PARD3B: variants seen among roughly 807,000 people sequenced by gnomAD.
PARD3B encodes partitioning defective 3 homolog B.
In PARD3B, 103 loss-of-function variants were observed where a neutral mutation model predicts 130.2. The ratio of observed to expected loss-of-function variants is 0.79; its 90% CI spans 0.67 to 0.93. The LOEUF (loss-of-function observed/expected upper bound fraction) is 0.93. Ranked by LOEUF, PARD3B falls within the 40% of genes least tolerant of loss-of-function variation. The probability of loss-of-function intolerance (pLI) is 0.00; values close to 1 mark genes in which losing one functional copy is unlikely to be tolerated. For synonymous variants in PARD3B, 583 were observed against 553.2 expected (o/e 1.05, Z -0.76); for missense variants, 1,609 against 1,499.2 (o/e 1.07, Z -1.21).
At chr2:205,024,420 C>T (rs1307499578) in intron 3 of PARD3B, among the ~76,000 whole-genome samples, 1 of 152,006 alleles carries the variant, frequency 6.6e-6, no homozygotes, top group Non-Finnish European at 1.5e-5. Context: ...CCACATGCCC[C>T]AGCCTCCCAA....
chr2:204,646,585 A>AATATTCTGAGAC lies in PARD3B; in HGVS notation c.121-39592_121-39581dup, dbSNP rs2035281838. Among the ~76,000 whole-genome samples the AATATTCTGAGAC allele has an allele frequency of 2.6e-5, 4 of 152,162 alleles. No individual in the cohort carries two copies. The South Asian group carries it at 8.3e-4, about 32-fold the overall frequency. ...GGCTATTGTGAACAGGGTTGTGATG[A>AATATTCTGAGAC]ATATTCTGAGACATACCAGTGTGTA... is the stretch of plus-strand genomic sequence containing the variant. On this transcript the variant is annotated intron_variant, in intron 1 of 22. Coordinates refer to ENST00000406610, the MANE Select transcript of PARD3B (RefSeq NM_001302769.2).
chr2:204,656,218 C>T lies in PARD3B; in HGVS notation c.121-29963C>T, dbSNP rs144288375. 7.8e-3 allele frequency among the ~76,000 whole-genome samples: 1,186 copies of T among 152,212 alleles called. 15 individuals are homozygous for T. Among genetic ancestry groups the T allele is most frequent in the African/African-American group, 0.026 (1,063 of 41,530 alleles). Reference sequence around the variant, plus strand: ...GTGCTGCAGAGTTGCATGGCAAAGGCTGTAGATACATGGTGGGAAATAACT... The same window carrying T: ...GTGCTGCAGAGTTGCATGGCAAAGGTTGTAGATACATGGTGGGAAATAACT... On this transcript the variant is annotated intron_variant, in intron 1 of 22. Transcript: ENST00000406610.
chr2:205,179,191 A>G (rs887065749), intron 13 of PARD3B, among the ~76,000 whole-genome samples: 5 of 151,878 alleles, frequency 3.3e-5, no homozygotes, highest in Non-Finnish European at 7.4e-5. Context: ...TAAAGAAAAA[A>G]TATGTTTCTA....
At chr2:205,452,091 TAA>T (rs1217925469) in intron 20 of PARD3B, among the ~76,000 whole-genome samples, 1 of 152,196 alleles carries the variant, frequency 6.6e-6, no homozygotes, top group Non-Finnish European at 1.5e-5. Flanking sequence ...GAAAAAGCAT[TAA>T]CAGGAAGCTT....
intron 19 of PARD3B, among the ~76,000 whole-genome samples, chr2:205,431,705 G>T (rs945500298): frequency 3.3e-5 from 5 of 151,856 alleles, no homozygotes; most frequent in Admixed American, 1.3e-4. Flanking sequence ...TCCTGACCTC[G>T]TGATCTGCCC....
At chr2:205,517,311 G>T (rs569763204) in intron 21 of PARD3B, among the ~76,000 whole-genome samples, 4 of 151,774 alleles carry the variant, frequency 2.6e-5, no homozygotes, top group African/African-American at 9.6e-5. Flanking sequence ...TCTTGAGAGG[G>T]TATATGTGTC....
chr2:205,403,962 A>C (rs1189658996), intron 19 of PARD3B, among the ~76,000 whole-genome samples: 1 of 151,510 alleles, frequency 6.6e-6, no homozygotes, highest in Non-Finnish European at 1.5e-5. Flanking sequence ...CAATTAAGGG[A>C]ATATGGGTCA....
At chr2:204,704,587 T>A (rs2038048700) in intron 2 of PARD3B, among the ~76,000 whole-genome samples, 1 of 152,220 alleles carries the variant, frequency 6.6e-6, no homozygotes, top group Admixed American at 6.5e-5. Context: ...ATGAAGATTT[T>A]AATGCATATT....
At chr2:205,246,663 C>T (rs1206102012) in intron 16 of PARD3B, among the ~76,000 whole-genome samples, 1 of 152,164 alleles carries the variant, frequency 6.6e-6, no homozygotes, top group Non-Finnish European at 1.5e-5. Flanking sequence ...TTTCCCATCA[C>T]CAAGTGTCTC....
chr2:205,334,112 A>T (rs994063246), intron 18 of PARD3B, among the ~76,000 whole-genome samples: 2 of 152,204 alleles, frequency 1.3e-5, no homozygotes, highest in African/African-American at 4.8e-5. Context: ...TGTAAAGATC[A>T]GTTTCAACTC....
intron 16 of PARD3B, among the ~76,000 whole-genome samples, chr2:205,270,887 C>T (rs970876397): frequency 1.3e-5 from 2 of 152,110 alleles, no homozygotes; most frequent in East Asian, 1.9e-4. Flanking sequence ...ACACATAGCT[C>T]ATTGTCCAGA....
At chr2:204,580,376 CTCT>C (rs1241898049) in intron 1 of PARD3B, among the ~76,000 whole-genome samples, 1 of 152,136 alleles carries the variant, frequency 6.6e-6, no homozygotes, top group Non-Finnish European at 1.5e-5. Flanking sequence ...GAGCTCCTCT[CTCT>C]TCTTCGTCAC....
intron 3 of PARD3B, among the ~76,000 whole-genome samples, chr2:205,037,235 CTG>C (rs1265295926): frequency 6.9e-6 from 1 of 145,128 alleles, no homozygotes; most frequent in Non-Finnish European, 1.5e-5. Context: ...ATATAGTGGA[CTG>C]TGTATATAAA....
intron 2 of PARD3B, among the ~76,000 whole-genome samples, chr2:204,912,722 T>C (rs923035278): frequency 3.3e-5 from 5 of 152,192 alleles, no homozygotes; most frequent in African/African-American, 1.2e-4. Flanking sequence ...GAAAGTTTCA[T>C]TGGGAAATAG....
At position 205,258,261 on chromosome 2, in the gene PARD3B, C is replaced by T. The variant is rs1444064873; in HGVS notation, c.2185+12439C>T. Among the ~76,000 whole-genome samples the T allele has an allele frequency of 6.6e-6, 1 of 152,108 alleles. No homozygotes were observed. The highest frequency in any genetic ancestry group is 2.4e-5 in the African/African-American group (1 of 41,424). ...CCAAAGCCTCACTTTCCACCCTTTC[C>T]CGAGCCACCGTCACCTGGAGAGCTT... On this transcript the variant is annotated intron_variant, in intron 16 of 22. Transcript: ENST00000406610. This position sits in a 1 kb window ranked among gnomAD's most constrained non-coding sequence, Gnocchi z 4.9.
intron 18 of PARD3B, among the ~76,000 whole-genome samples, chr2:205,359,532 C>T (rs1396082569): frequency 6.6e-6 from 1 of 152,116 alleles, no homozygotes; most frequent in Non-Finnish European, 1.5e-5. Context: ...AAACTCTTTC[C>T]CTGTTTGATT....
intron 1 of PARD3B, among the ~76,000 whole-genome samples, chr2:204,560,823 T>A (rs2031260866): frequency 6.6e-6 from 1 of 151,962 alleles, no homozygotes; most frequent in Admixed American, 6.6e-5. Context: ...GAGCTGGGAC[T>A]GGAGGTGGAG....
Position 204,967,193 on chromosome 2 carries a change from C to T in PARD3B, c.394+1870C>T, listed in dbSNP as rs1232056080. Among the ~76,000 whole-genome samples the T allele has an allele frequency of 2.0e-5, 3 of 152,322 alleles. No individual in the cohort carries two copies. The highest frequency in any genetic ancestry group is 2.0e-4 in the Admixed American group (3 of 15,306). ...CTTAGTACCAGATTAAATGATGAGA[C>T]TAGCTCACTGTTAGGTGGGAAACAT... On this transcript the variant is annotated intron_variant, in intron 3 of 22. Transcript: ENST00000406610. This position sits in a 1 kb window ranked among gnomAD's most constrained non-coding sequence, Gnocchi z 4.4.
chr2:204,808,160 G>A, intron 2 of PARD3B, among the ~76,000 whole-genome samples: 1 of 151,934 alleles, frequency 6.6e-6, no homozygotes, highest in East Asian at 1.9e-4. Context: ...CAAGAAATTT[G>A]TAAGTTTTAA....
Sources: allele counts gnomAD v4.1 joint callset (sites outside exome capture counted in the v4.1 genomes callset), GRCh38; gene constraint gnomAD v4.1.1; non-coding constraint Gnocchi (gnomAD v3.1); transcripts MANE v1.5; gene names NCBI Gene and HGNC (gene_info 2026-07-23, HGNC 2026-07-21).